Variants in HOOK1 observed in about 807,000 individuals in gnomAD.
HOOK1 encodes hook microtubule tethering protein 1, also known as protein Hook homolog 1.
Under a neutral mutation model 112.8 loss-of-function variants are expected in HOOK1, and 60 were observed. The ratio of observed to expected loss-of-function variants is 0.53; its 90% CI spans 0.43 to 0.66. The LOEUF is 0.66. HOOK1 is among the 30% of genes least tolerant of loss of function. HOOK1 has a pLI of 0.00. For synonymous variants in HOOK1, 294 were observed against 283.8 expected, an observed-to-expected ratio of 1.04 and a Z score of -0.36; for missense variants, 770 against 856.0, an observed-to-expected ratio of 0.90 and a Z score of 1.25.
chr1:59,854,032 ATATATATTTTTTTTTTTTT>A (rs1407960216), intron 12 of HOOK1, among the ~76,000 whole-genome samples: 5 of 23,022 alleles, frequency 2.2e-4, no homozygotes, highest in African/African-American at 1.2e-3. Flanking sequence ...ATATATATAT[ATATATATTTTTTTTTTTTT>A]TTTTTTTTTT....
intron 16 of HOOK1, among the ~76,000 whole-genome samples, chr1:59,864,270 T>C (rs1460545987): frequency 2.0e-5 from 3 of 151,944 alleles, no homozygotes; most frequent in Non-Finnish European, 4.4e-5. Flanking sequence ...ATTTTTATTC[T>C]GAATAAATGA....
In HOOK1 at chr1:59,862,852, A is replaced by G; in HGVS notation, c.1601A>G (p.Gln534Arg). The change falls in exon 16 of 22, where the codon CAA becomes CGA. Residue 534 changes from glutamine (Q) to arginine (R), a missense_variant. Transcript: ENST00000371208. The part of the protein sequence containing the change: ...IEDLQKSLQE[Q>R]GSKSEGESSS... ...GACCTCCAGAAATCTTTACAGGAAC[A>G]AGGTTCCAAGTCTGAAGGCGAAAGT... 1 of 1,608,720 alleles carries G rather than the reference A, an allele frequency of 6.2e-7. No individual in the cohort carries two copies. Among genetic ancestry groups the G allele is most frequent in the Non-Finnish European group, 8.5e-7 (1 of 1,175,208 alleles).
intron 12 of HOOK1, among the ~76,000 whole-genome samples, 196 bp from the exon 13 acceptor site, chr1:59,858,232 G>A (rs113515730): frequency 0.034 from 5,203 of 152,238 alleles, 81 homozygotes; most frequent in Middle Eastern, 0.041. Flanking sequence ...TAAGCTATCT[G>A]ATGGGAAAGT....
At chr1:59,865,654 T>A (rs927338005) in intron 18 of HOOK1, among the ~76,000 whole-genome samples, 9 of 152,134 alleles carry the variant, frequency 5.9e-5, no homozygotes, top group African/African-American at 2.2e-4. Flanking sequence ...ATTGTAGATA[T>A]TTTTAAGGGT....
intron 12 of HOOK1, among the ~76,000 whole-genome samples, chr1:59,850,462 G>A (rs1240913783): frequency 6.6e-6 from 1 of 151,336 alleles, no homozygotes; most frequent in Non-Finnish European, 1.5e-5. Context: ...AAGGTACAAA[G>A]ATTTACCCTG....
At position 59,875,191 on chromosome 1, in the gene HOOK1, ATTAACT is replaced by A. The variant is rs1644114690; in HGVS notation, c.*2231_*2236del. The A allele has an allele frequency of 6.6e-6, 1 of 152,610 alleles. No homozygotes were observed. The highest frequency in any genetic ancestry group is 2.4e-5 in the African/African-American group (1 of 41,462). 9.5% of individuals were successfully genotyped at this position (152,610 alleles called of 1,614,324 possible). Reference sequence around the variant, plus strand: ...GTTTTAAAGGAATTTATTGTAAAACATTAACTTTAATAAATTAGTGTTTTCACAGAT... The same window carrying A: ...GTTTTAAAGGAATTTATTGTAAAACATTAATAAATTAGTGTTTTCACAGAT... On this transcript the variant is annotated 3_prime_UTR_variant, in exon 22 of 22. Coordinates refer to ENST00000371208, the MANE Select transcript of HOOK1 (RefSeq NM_015888.6).
At chr1:59,862,027 T>G (rs575365004) in intron 15 of HOOK1, among the ~76,000 whole-genome samples, 1 of 152,310 alleles carries the variant, frequency 6.6e-6, no homozygotes, top group South Asian at 2.1e-4. Flanking sequence ...TTGTTAACAC[T>G]TTTCTGAAGA....
At chr1:59,836,312 A>G (rs1559048675) in intron 6 of HOOK1, among the ~76,000 whole-genome samples, 1 of 152,102 alleles carries the variant, frequency 6.6e-6, no homozygotes, top group Non-Finnish European at 1.5e-5. Context: ...GGAAAAGCAG[A>G]CTTTGGAAGG....
At chr1:59,840,431 T>C (rs968867181) in intron 8 of HOOK1, 40 bp downstream of exon 8, 1 of 1,317,588 alleles carries the variant, frequency 7.6e-7, no homozygotes, top group Non-Finnish European at 1.0e-6. Flanking sequence ...ACTTCCTCTT[T>C]AAGTTTACAG....
At chr1:59,868,198 G>A in intron 19 of HOOK1, 52 bp from the exon 20 acceptor site, 1 of 974,284 alleles carries the variant, frequency 1.0e-6, no homozygotes, top group Non-Finnish European at 1.6e-6. Flanking sequence ...TGTTCTATAT[G>A]TTTTAATACT....
In HOOK1 at chr1:59,864,461, G is replaced by T. The variant is rs111390350; in HGVS notation, c.1627-171G>T. ...TCCTTTCCTTTTTGAAGTAAAAAAA[G>T]AACCTAAAAAGTTTATGCTTCTTAA... On this transcript the variant is annotated intron_variant, in intron 16 of 21. Transcript: ENST00000371208. Among the ~76,000 whole-genome samples, 284 of 151,800 alleles carry T rather than the reference G, an allele frequency of 1.9e-3. 1 individual carries two copies. The highest frequency in any genetic ancestry group is 6.4e-3 in the African/African-American group (267 of 41,438).
chr1:59,870,917 A>G (rs1384310958), intron 20 of HOOK1, 125 bp from the exon 21 acceptor site: 1 of 655,032 alleles, frequency 1.5e-6, no homozygotes, highest in African/African-American at 1.8e-5. Flanking sequence ...ATTTGACTAC[A>G]TTGTGTGCCT....
At chr1:59,844,587 A>G (rs2098402672) in intron 9 of HOOK1, among the ~76,000 whole-genome samples, 1 of 151,880 alleles carries the variant, frequency 6.6e-6, no homozygotes, top group Admixed American at 6.6e-5. Context: ...AGTCTTTAGC[A>G]TTTTCCCATA....
intron 12 of HOOK1, among the ~76,000 whole-genome samples, chr1:59,853,047 A>G (rs2098408076): frequency 6.6e-6 from 1 of 151,926 alleles, no homozygotes; most frequent in African/African-American, 2.4e-5. Context: ...GGCCTAGCAT[A>G]TGGTCTGTTC....
At chr1:59,863,336 C>A (rs573591487) in intron 16 of HOOK1, among the ~76,000 whole-genome samples, 1 of 152,204 alleles carries the variant, frequency 6.6e-6, no homozygotes, top group South Asian at 2.1e-4. Flanking sequence ...ACCTAAAGAG[C>A]ATGCCAAAAA....
At chr1:59,844,042 G>A (rs1054106963) in intron 9 of HOOK1, among the ~76,000 whole-genome samples, 2 of 151,810 alleles carry the variant, frequency 1.3e-5, no homozygotes, top group Admixed American at 6.6e-5. Context: ...ATTATCTTTT[G>A]TGTGCATACC....
In HOOK1 at chr1:59,871,042, A is replaced by G; in HGVS notation, c.1948A>G (p.Ser650Gly). 6.3e-7 allele frequency: 1 copy of G among 1,596,170 alleles called. No individual in the cohort carries two copies. The highest frequency in any genetic ancestry group is 2.2e-5 in the East Asian group (1 of 44,688). ...EKERRIEILE[S>G]ECKVAKFRDY... is the part of the protein sequence containing the mutation. ...AATTGTTCTCATATCTTTTTTCCAG[A>G]GTGAATGCAAAGTAGCAAAATTCCG... The change falls in exon 21 of 22, where the codon AGT becomes GGT. Residue 650 changes from serine (S) to glycine (G), a missense_variant and splice_region_variant. Physicochemically the swap from Ser to Gly is moderately conservative, Grantham distance 56 (BLOSUM62 0). This residue lies in a region of HOOK1 where 111 missense variants were observed against 111.8 expected (regional missense o/e 0.99). Transcript: ENST00000371208.
chr1:59,822,586 G>A (rs1031510059), intron 2 of HOOK1, among the ~76,000 whole-genome samples: 1 of 152,114 alleles, frequency 6.6e-6, no homozygotes. Context: ...ATTGTTTAAG[G>A]GTTAGGGTTA....
chr1:59,869,572 T>C (rs183122901), intron 20 of HOOK1, among the ~76,000 whole-genome samples: 8 of 152,314 alleles, frequency 5.3e-5, no homozygotes, highest in Admixed American at 2.0e-4. Flanking sequence ...TTTCTTGGTA[T>C]TTGAGCAAGT....
Sources: gnomAD v4.1 joint callset for allele counts (sites outside exome capture counted in the v4.1 genomes callset) on GRCh38, gnomAD v4.1.1 for gene constraint, gnomAD v4.1.1 regional missense constraint, MANE v1.5 for transcripts, NCBI Gene and HGNC (gene_info 2026-07-23, HGNC 2026-07-21) for gene names.